The following MGAT5 variants were observed in gnomAD, a reference collection of about 807,000 sequenced individuals.
MGAT5 encodes the protein alpha-1,6-mannosylglycoprotein 6-beta-N-acetylglucosaminyltransferase, also known as alpha-1,6-mannosylglycoprotein 6-beta-N-acetylglucosaminyltransferase A.
In MGAT5, 30 loss-of-function variants were observed where a neutral mutation model predicts 94.3. That is an observed-to-expected ratio of 0.32 (90% CI 0.24 to 0.43). MGAT5 has a LOEUF of 0.43. MGAT5 is among the 20% of genes least tolerant of loss of function. The pLI is 1.00. For synonymous variants in MGAT5, 310 were observed against 322.9 expected (o/e 0.96, Z 0.43); for missense variants, 691 against 905.5 (o/e 0.76, Z 3.04).
intron 1 of MGAT5, among the ~76,000 whole-genome samples, chr2:134,152,332 C>T (rs1325409824): frequency 8.0e-6 from 1 of 125,572 alleles, no homozygotes; most frequent in African/African-American, 2.9e-5. Context: ...CTATGGGACC[C>T]GCCCACCGCC....
chr2:134,401,833 G>T lies in MGAT5; in HGVS notation c.1381-1155G>T, dbSNP rs138932512. On this transcript the variant is annotated intron_variant, in intron 10 of 15. Transcript: ENST00000281923. Reference sequence around the variant, plus strand: ...TGGACTGTGCAGTTTTCCCAGTCATGAAGACTTTTGATACATCACTTGAAA... The same window carrying T: ...TGGACTGTGCAGTTTTCCCAGTCATTAAGACTTTTGATACATCACTTGAAA... Among the ~76,000 whole-genome samples, 151 of 152,304 alleles carry T rather than the reference G, an allele frequency of 9.9e-4. 1 individual carries two copies. Among genetic ancestry groups the T allele is most frequent in the Non-Finnish European group, 1.8e-3 (120 of 68,036 alleles).
intron 1 of MGAT5, among the ~76,000 whole-genome samples, chr2:134,193,512 C>A (rs1256658999): frequency 6.6e-6 from 1 of 152,196 alleles, no homozygotes; most frequent in Non-Finnish European, 1.5e-5. Context: ...GCTGGCTCTT[C>A]ACACAGCAGC....
chr2:134,187,586 C>T (rs1176700770), intron 1 of MGAT5, among the ~76,000 whole-genome samples: 1 of 152,230 alleles, frequency 6.6e-6, no homozygotes, highest in Non-Finnish European at 1.5e-5. Context: ...TACATGCACA[C>T]ACATGTATGT....
At chr2:134,222,185 A>C (rs1327773874) in intron 1 of MGAT5, among the ~76,000 whole-genome samples, 2 of 151,978 alleles carry the variant, frequency 1.3e-5, no homozygotes, top group African/African-American at 4.8e-5. Context: ...AGCTATCATG[A>C]TCTGGGTCTT....
At chr2:134,240,555 T>C (rs907331947) in intron 1 of MGAT5, among the ~76,000 whole-genome samples, 8 of 152,068 alleles carry the variant, frequency 5.3e-5, no homozygotes, top group Non-Finnish European at 1.2e-4. Context: ...ATATGTTACA[T>C]TATAATAAAA....
intron 4 of MGAT5, among the ~76,000 whole-genome samples, chr2:134,331,038 T>A (rs1483239122): frequency 6.6e-6 from 1 of 152,136 alleles, no homozygotes; most frequent in Non-Finnish European, 1.5e-5. Context: ...TTGAGCTGTC[T>A]TATGTATCTG....
chr2:134,143,871 A>G (rs1266326706), intron 1 of MGAT5, among the ~76,000 whole-genome samples: 1 of 152,192 alleles, frequency 6.6e-6, no homozygotes, highest in Admixed American at 6.5e-5. Context: ...TTCTGTTACC[A>G]CGTAAGGATT....
chr2:134,260,972 C>T (rs1683297996), intron 1 of MGAT5, among the ~76,000 whole-genome samples: 1 of 152,014 alleles, frequency 6.6e-6, no homozygotes, highest in South Asian at 2.1e-4. Context: ...CTTTTCCAGC[C>T]ATCCTGTGGT....
At chr2:134,306,217 A>G (rs917346977) in intron 2 of MGAT5, among the ~76,000 whole-genome samples, 1 of 152,220 alleles carries the variant, frequency 6.6e-6, no homozygotes, top group Non-Finnish European at 1.5e-5. Context: ...TGCAGAAGAA[A>G]TGATAGCAAA....
At chr2:134,319,995 A>G in intron 4 of MGAT5, 1 of 196,692 alleles carries the variant, frequency 5.1e-6, no homozygotes, top group Non-Finnish European at 1.1e-5. Flanking sequence ...TCCCACCAGT[A>G]GATGTTCTTC....
intron 5 of MGAT5, among the ~76,000 whole-genome samples, chr2:134,337,234 G>A (rs1215134715): frequency 6.6e-6 from 1 of 152,214 alleles, no homozygotes; most frequent in Non-Finnish European, 1.5e-5. Flanking sequence ...CAGCACTTTA[G>A]GAGGCTGAGG....
chr2:134,364,070 A>G (rs934333058), intron 10 of MGAT5, among the ~76,000 whole-genome samples: 1 of 152,174 alleles, frequency 6.6e-6, no homozygotes, highest in Non-Finnish European at 1.5e-5. Context: ...GCCAAGTGCA[A>G]CCACCTCCTA....
chr2:134,378,602 G>C (rs1176942981), intron 10 of MGAT5, among the ~76,000 whole-genome samples: 3 of 145,050 alleles, frequency 2.1e-5, no homozygotes, highest in Admixed American at 7.4e-5. Flanking sequence ...ACAACTCACA[G>C]GGTTATCTGG....
intron 1 of MGAT5, 59 bp downstream of exon 1, chr2:134,254,703 A>G (rs1191689509): frequency 1.2e-5 from 19 of 1,591,334 alleles, no homozygotes; most frequent in Non-Finnish European, 1.6e-5. Flanking sequence ...AAATGGCCCT[A>G]GAAGCTCCCA....
intron 1 of MGAT5, among the ~76,000 whole-genome samples, chr2:134,194,884 T>A (rs1013883508): frequency 6.6e-6 from 1 of 152,220 alleles, no homozygotes; most frequent in Non-Finnish European, 1.5e-5. Flanking sequence ...GTGGTTCATG[T>A]TGCTGTAAGA....
At chr2:134,293,220 T>A (rs985255323) in intron 2 of MGAT5, among the ~76,000 whole-genome samples, 4 of 152,156 alleles carry the variant, frequency 2.6e-5, no homozygotes, top group Non-Finnish European at 4.4e-5. Flanking sequence ...AATACGAAAA[T>A]TGAAAATGGA....
chr2:134,234,635 T>C (rs1375059502), intron 1 of MGAT5, among the ~76,000 whole-genome samples: 3 of 152,230 alleles, frequency 2.0e-5, no homozygotes, highest in Non-Finnish European at 4.4e-5. Context: ...TGCTTTTAAA[T>C]TCCCTTCGTT....
chr2:134,214,845 G>GA (rs1680387478), intron 1 of MGAT5, among the ~76,000 whole-genome samples: 1 of 152,026 alleles, frequency 6.6e-6, no homozygotes, highest in Admixed American at 6.6e-5. Flanking sequence ...TATTATATCA[G>GA]AAAAATACAC....
intron 2 of MGAT5, among the ~76,000 whole-genome samples, chr2:134,316,009 G>A (rs956818228): frequency 7.2e-5 from 11 of 152,106 alleles, no homozygotes; most frequent in African/African-American, 2.7e-4. Flanking sequence ...ATACCCCTGT[G>A]AAATAATACT....
Sources: allele counts gnomAD v4.1 joint callset (sites outside exome capture counted in the v4.1 genomes callset), GRCh38; gene constraint gnomAD v4.1.1; transcripts MANE v1.5; gene names NCBI Gene and HGNC (gene_info 2026-07-23, HGNC 2026-07-21).